Variants in MYRIP observed in about 807,000 individuals in gnomAD.
MYRIP encodes myosin VIIA and Rab interacting protein.
A neutral mutation model predicts 98.0 loss-of-function variants in MYRIP; 49 were observed. That is an observed-to-expected ratio of 0.50 (90% CI 0.40 to 0.63). The LOEUF (loss-of-function observed/expected upper bound fraction) is 0.63, where lower values mean the gene tolerates loss of function less well. Ranked by LOEUF, MYRIP falls within the 30% of genes least tolerant of loss-of-function variation. The probability of loss-of-function intolerance (pLI) is 0.00; values close to 1 mark genes in which losing one functional copy is unlikely to be tolerated. For synonymous variants in MYRIP, 404 were observed against 409.5 expected (o/e 0.99, Z 0.16); for missense variants, 1,004 against 1,058.2 (o/e 0.95, Z 0.71).
At chr3:40,083,925 C>A (rs2125873598) in intron 3 of MYRIP, among the ~76,000 whole-genome samples, 1 of 152,052 alleles carries the variant, frequency 6.6e-6, no homozygotes, top group African/African-American at 2.4e-5. Context: ...ATTATGAGGT[C>A]AGGAGATCAA....
chr3:40,075,731 G>A (rs1056003949), intron 3 of MYRIP, among the ~76,000 whole-genome samples: 2 of 152,078 alleles, frequency 1.3e-5, no homozygotes, highest in East Asian at 3.8e-4. Context: ...GGTCTCTTCT[G>A]TAGAAGAAAG....
chr3:40,226,462 T>C (rs1238935701), intron 11 of MYRIP, among the ~76,000 whole-genome samples: 3 of 152,186 alleles, frequency 2.0e-5, no homozygotes, highest in African/African-American at 7.2e-5. Context: ...CGACCTTTGA[T>C]TGGAGCTGCA....
intron 3 of MYRIP, among the ~76,000 whole-genome samples, chr3:40,126,939 GGCAGGAGACAGT>G (rs1270594597): frequency 6.6e-6 from 1 of 152,178 alleles, no homozygotes; most frequent in Non-Finnish European, 1.5e-5. Context: ...GACCTCAGCA[GGCAGGAGACAGT>G]GCACACTGTC....
intron 2 of MYRIP, among the ~76,000 whole-genome samples, chr3:40,033,942 G>C (rs1947318591): frequency 6.6e-6 from 1 of 152,010 alleles, no homozygotes; most frequent in Non-Finnish European, 1.5e-5. Flanking sequence ...TCTGATCTTT[G>C]ACAAACCTGA....
chr3:40,238,648 G>A (rs1184637011), intron 12 of MYRIP: 2 of 152,222 alleles, frequency 1.3e-5, no homozygotes, highest in African/African-American at 4.8e-5. Flanking sequence ...CTTCGCCTGT[G>A]TGGCTTCTGT....
At position 40,260,009 on chromosome 3, in the gene MYRIP, G is replaced by A. The variant is rs1424654685; in HGVS notation, c.*1843G>A. The A allele has an allele frequency of 2.0e-5, 3 of 152,630 alleles. No homozygotes were observed. The highest frequency in any genetic ancestry group is 7.2e-5 in the African/African-American group (3 of 41,452). 9.5% of individuals were successfully genotyped at this position (152,630 alleles called of 1,614,324 possible). On this transcript the variant is annotated 3_prime_UTR_variant, in exon 17 of 17. Transcript: ENST00000302541. ...AGCAGCAGCAGCAGCCTGCTGTGTG[G>A]CATCTGAACTTTTATAAAGGTTTCC...
intron 1 of MYRIP, among the ~76,000 whole-genome samples, chr3:39,858,816 A>C (rs1170401197): frequency 6.6e-6 from 1 of 152,102 alleles, no homozygotes; most frequent in African/African-American, 2.4e-5. Context: ...TCAAAAGGGA[A>C]ATTTTTAAAT....
At chr3:40,078,620 C>G (rs1378186198) in intron 3 of MYRIP, among the ~76,000 whole-genome samples, 1 of 152,212 alleles carries the variant, frequency 6.6e-6, no homozygotes, top group African/African-American at 2.4e-5. Context: ...TCAAGACTCT[C>G]TTCCTCCCAA....
chr3:40,071,336 G>A (rs1180313830), intron 3 of MYRIP: 2 of 314,154 alleles, frequency 6.4e-6, no homozygotes, highest in Non-Finnish European at 9.2e-6. Context: ...TGGGACGGAT[G>A]GCAGGTCAGG....
intron 2 of MYRIP, among the ~76,000 whole-genome samples, chr3:39,974,049 C>T (rs1299321915): frequency 6.6e-6 from 1 of 151,824 alleles, no homozygotes; most frequent in African/African-American, 2.4e-5. Context: ...TAACTAAGAT[C>T]AGAGCAGAAC....
intron 9 of MYRIP, among the ~76,000 whole-genome samples, chr3:40,186,069 GT>G (rs1209450115): frequency 6.6e-6 from 1 of 152,180 alleles, no homozygotes; most frequent in East Asian, 1.9e-4. Flanking sequence ...TATAGTTTGA[GT>G]GTTAAGAAAT....
At chr3:39,868,936 G>C (rs898804518) in intron 1 of MYRIP, among the ~76,000 whole-genome samples, 1 of 152,144 alleles carries the variant, frequency 6.6e-6, no homozygotes, top group African/African-American at 2.4e-5. Context: ...AGGATCACTT[G>C]TATGTGATGT....
intron 1 of MYRIP, among the ~76,000 whole-genome samples, chr3:39,894,483 G>A (rs930932930): frequency 6.6e-6 from 1 of 152,212 alleles, no homozygotes; most frequent in African/African-American, 2.4e-5. Flanking sequence ...TCCCGTGGGT[G>A]AATATACCAT....
chr3:39,983,048 A>T (rs967569797), intron 2 of MYRIP, among the ~76,000 whole-genome samples: 4 of 152,216 alleles, frequency 2.6e-5, no homozygotes, highest in African/African-American at 9.6e-5. Flanking sequence ...AATCATAGAA[A>T]CTTCTTCGGA....
chr3:39,857,394 T>C (rs72868117), intron 1 of MYRIP, among the ~76,000 whole-genome samples: 2,060 of 152,084 alleles, frequency 0.014, 64 homozygotes, highest in African/African-American at 0.046. Flanking sequence ...ATGAACAAAA[T>C]GAAAAGTTCA....
chr3:40,182,153 G>A, intron 8 of MYRIP, 67 bp from the exon 9 acceptor site: 2 of 1,456,366 alleles, frequency 1.4e-6, no homozygotes, highest in South Asian at 1.5e-5. Context: ...GCCCCCAAAA[G>A]GTGAAGGCAC....
intron 3 of MYRIP, among the ~76,000 whole-genome samples, chr3:40,081,253 C>T (rs749086895): frequency 6.6e-6 from 1 of 152,114 alleles, no homozygotes; most frequent in Non-Finnish European, 1.5e-5. Context: ...TTAGATCAAG[C>T]TTGATATTGT....
At chr3:40,119,923 A>AAAATAAAT (rs541090121) in intron 3 of MYRIP, among the ~76,000 whole-genome samples, 8 of 151,810 alleles carry the variant, frequency 5.3e-5, no homozygotes, top group African/African-American at 1.7e-4. Flanking sequence ...TAATAATAAT[A>AAAATAAAT]AAATAAATAA....
At chr3:40,174,379 A>G (rs929897969) in intron 8 of MYRIP, 2 of 152,240 alleles carry the variant, frequency 1.3e-5, no homozygotes, top group Admixed American at 6.5e-5. Flanking sequence ...TTTTGTCAAC[A>G]ATATCAGGAA....
Sources: allele counts gnomAD v4.1 joint callset (sites outside exome capture counted in the v4.1 genomes callset), GRCh38; gene constraint gnomAD v4.1.1; transcripts MANE v1.5; gene names NCBI Gene and HGNC (gene_info 2026-07-23, HGNC 2026-07-21).